The following CTNNA3 variants were observed in gnomAD, a reference collection of about 807,000 sequenced individuals.
The protein encoded by CTNNA3 is catenin alpha 3, also known as catenin alpha-3.
Under a neutral mutation model 95.7 loss-of-function variants are expected in CTNNA3, and 76 were observed. That is an observed-to-expected ratio of 0.79 (90% confidence interval 0.66 to 0.96). The LOEUF is 0.96. Among genes scored for constraint, CTNNA3 ranks in the 40% least tolerant of loss-of-function variants. CTNNA3 has a pLI of 0.00. For missense variants in CTNNA3, 1,191 were observed against 1,089.8 expected, an observed-to-expected ratio of 1.09 and a Z score of -1.31; for synonymous variants, 431 against 374.4, an observed-to-expected ratio of 1.15 and a Z score of -1.74.
chr10:66,461,806 T>C (rs532938684), intron 11 of CTNNA3, among the ~76,000 whole-genome samples: 1 of 142,212 alleles, frequency 7.0e-6, no homozygotes, highest in South Asian at 2.4e-4. Context: ...TATCCTTGTA[T>C]ATCTCCAATT....
chr10:65,929,274 A>G (rs2077214062), intron 17 of CTNNA3, among the ~76,000 whole-genome samples: 1 of 152,116 alleles, frequency 6.6e-6, no homozygotes, highest in Non-Finnish European at 1.5e-5. Context: ...CCAGTCTATC[A>G]TTGTTGGACA....
intron 12 of CTNNA3, among the ~76,000 whole-genome samples, chr10:66,329,419 C>A (rs904707079): frequency 1.3e-5 from 2 of 151,904 alleles, no homozygotes. Context: ...CAGTGTAACA[C>A]CCCAAAACAA....
At chr10:67,197,306 C>T (rs1466697179) in intron 6 of CTNNA3, among the ~76,000 whole-genome samples, 1 of 151,998 alleles carries the variant, frequency 6.6e-6, no homozygotes, top group African/African-American at 2.4e-5. Flanking sequence ...ACACAGGGGG[C>T]AAGTGGAAAA....
intron 5 of CTNNA3, among the ~76,000 whole-genome samples, chr10:67,470,124 C>T (rs146511271): frequency 1.5e-3 from 229 of 152,308 alleles, no homozygotes; most frequent in African/African-American, 5.2e-3. Flanking sequence ...CTCTGGTAAC[C>T]GTTCTCTTGC....
intron 10 of CTNNA3, among the ~76,000 whole-genome samples, chr10:66,526,184 G>T (rs79651426): frequency 0.025 from 3,841 of 152,016 alleles, 76 homozygotes; most frequent in Middle Eastern, 0.048. Context: ...GGAATTGCTG[G>T]ATTATATGAC....
At chr10:67,358,568 G>GTGAGT (rs1364502992) in intron 5 of CTNNA3, among the ~76,000 whole-genome samples, 1 of 152,098 alleles carries the variant, frequency 6.6e-6, no homozygotes, top group Non-Finnish European at 1.5e-5. Flanking sequence ...TAAAGAAGGG[G>GTGAGT]TGAGTTAAGG....
intron 5 of CTNNA3, among the ~76,000 whole-genome samples, chr10:67,511,971 G>C (rs906641333): frequency 6.6e-6 from 1 of 152,148 alleles, no homozygotes; most frequent in Admixed American, 6.5e-5. Context: ...AGATTTTCTA[G>C]TTTATTTGCG....
At chr10:66,826,507 A>T (rs912050369) in intron 7 of CTNNA3, among the ~76,000 whole-genome samples, 5 of 152,086 alleles carry the variant, frequency 3.3e-5, no homozygotes, top group African/African-American at 9.7e-5. Flanking sequence ...TTGTTTTCTA[A>T]TTTATTATTT....
chr10:67,180,527 G>A lies in CTNNA3; in HGVS notation c.844-7C>T, dbSNP rs1310662451. ...GATTCAGGACAATTAAATTCTAAGA[G>A]AAGAACACATTTGTATGGTTAGAGC... On this transcript the variant is annotated splice_polypyrimidine_tract_variant and splice_region_variant and intron_variant, in intron 6 of 17. Coordinates refer to ENST00000433211, the MANE Select transcript of CTNNA3 (RefSeq NM_013266.4). 1.2e-6 allele frequency: 2 copies of A among 1,605,882 alleles called. No homozygotes were observed. Among genetic ancestry groups the A allele is most frequent in the South Asian group, 1.1e-5 (1 of 90,906 alleles).
intron 7 of CTNNA3, among the ~76,000 whole-genome samples, chr10:66,912,350 A>T (rs534767459): frequency 6.6e-6 from 1 of 152,216 alleles, no homozygotes; most frequent in South Asian, 2.1e-4. Flanking sequence ...AATTAAAAAC[A>T]AAATCTTGAT....
chr10:67,329,160 T>C (rs1296878212), intron 5 of CTNNA3, among the ~76,000 whole-genome samples: 1 of 152,136 alleles, frequency 6.6e-6, no homozygotes, highest in African/African-American at 2.4e-5. Context: ...CCGCTTGAGC[T>C]CAGGAGTTCA....
At chr10:67,038,210 G>T (rs909325276) in intron 7 of CTNNA3, among the ~76,000 whole-genome samples, 5 of 152,002 alleles carry the variant, frequency 3.3e-5, no homozygotes, top group African/African-American at 7.2e-5. Context: ...AAAATATATT[G>T]TATTATTTTA....
At chr10:66,328,911 C>CATATATATATATATAATATAT (rs2092289609) in intron 12 of CTNNA3, among the ~76,000 whole-genome samples, 1 of 86,492 alleles carries the variant, frequency 1.2e-5, no homozygotes, top group Non-Finnish European at 2.5e-5. Flanking sequence ...CACATATATA[C>CATATATATATATATAATATAT]ATATATATAT....
At chr10:67,221,400 A>T (rs1040111303) in intron 5 of CTNNA3, among the ~76,000 whole-genome samples, 9 of 152,174 alleles carry the variant, frequency 5.9e-5, no homozygotes, top group Non-Finnish European at 1.2e-4. Flanking sequence ...CTCATGAGAG[A>T]TGTGATTATT....
chr10:66,899,171 C>T (rs750842584), intron 7 of CTNNA3, among the ~76,000 whole-genome samples: 1 of 152,130 alleles, frequency 6.6e-6, no homozygotes, highest in Non-Finnish European at 1.5e-5. Flanking sequence ...CGCCACACAC[C>T]TGCTAGGATG....
intron 10 of CTNNA3, among the ~76,000 whole-genome samples, chr10:66,531,031 C>T (rs542437589): frequency 2.4e-4 from 37 of 152,012 alleles, no homozygotes; most frequent in Middle Eastern, 3.4e-3. Context: ...ATAATGCTCC[C>T]GGGAGGTCTG....
intron 5 of CTNNA3, among the ~76,000 whole-genome samples, chr10:67,431,462 T>C (rs1225153931): frequency 6.6e-6 from 1 of 152,018 alleles, no homozygotes; most frequent in African/African-American, 2.4e-5. Flanking sequence ...ATACCTATGT[T>C]ATCCTAATTT....
At chr10:66,280,373 T>G (rs2091470726) in intron 13 of CTNNA3, 97 bp downstream of exon 13, 6 of 1,084,552 alleles carry the variant, frequency 5.5e-6, no homozygotes, top group Non-Finnish European at 8.1e-6. Flanking sequence ...AGCATTGACA[T>G]TACAGCATAG....
At chr10:65,964,239 A>C (rs1467281941) in intron 17 of CTNNA3, among the ~76,000 whole-genome samples, 2 of 152,200 alleles carry the variant, frequency 1.3e-5, no homozygotes, top group African/African-American at 4.8e-5. Flanking sequence ...GTGCTTTGGC[A>C]CACGTAAATG....
Sources: allele counts gnomAD v4.1 joint callset (sites outside exome capture counted in the v4.1 genomes callset), GRCh38; gene constraint gnomAD v4.1.1; transcripts MANE v1.5; gene names NCBI Gene and HGNC (gene_info 2026-07-23, HGNC 2026-07-21).